The following SKP2 variants were observed in gnomAD, a reference collection of about 807,000 sequenced individuals.
SKP2 encodes S-phase kinase associated protein 2, also known as S-phase kinase-associated protein 2.
In SKP2, 16 loss-of-function variants were observed where a neutral mutation model predicts 51.8. That is an observed-to-expected ratio of 0.31 (90% CI 0.21 to 0.47). The LOEUF (loss-of-function observed/expected upper bound fraction) is 0.47. Ranked by LOEUF, SKP2 falls within the 20% of genes least tolerant of loss-of-function variation. The pLI is 1.00. For synonymous variants in SKP2, 176 were observed against 198.6 expected, an observed-to-expected ratio of 0.89 and a Z score of 0.96; for missense variants, 377 against 505.3, an observed-to-expected ratio of 0.75 and a Z score of 2.43.
At chr5:36,152,692 C>G (rs1041472204) in intron 1 of SKP2, 79 bp from the exon 2 acceptor site, 1 of 1,470,534 alleles carries the variant, frequency 6.8e-7, no homozygotes, top group East Asian at 2.3e-5. Flanking sequence ...AATGCATAAA[C>G]TGCAGCTTCT....
intron 9 of SKP2, among the ~76,000 whole-genome samples, chr5:36,179,701 A>G (rs1468721948): frequency 1.3e-5 from 2 of 152,194 alleles, no homozygotes; most frequent in Admixed American, 6.5e-5. Context: ...CAATCCTGTG[A>G]AAGAGTTCAT....
At chr5:36,176,910 T>C in intron 7 of SKP2, 55 bp from the exon 8 acceptor site, 1 of 1,165,214 alleles carries the variant, frequency 8.6e-7, no homozygotes, top group East Asian at 2.3e-5. Context: ...ATAACAAATA[T>C]CCTTGTCTTG....
In SKP2 at chr5:36,183,819, A is replaced by C. The variant is rs1371559291; in HGVS notation, c.*1788A>C. On this transcript the variant is annotated 3_prime_UTR_variant, in exon 10 of 10. Transcript: ENST00000274255. ...TAATAGTTAAAAAGTGCTAAATACTACTTGAAATTATTGTTTACAGATTAG... is the reference window on the plus strand; with the variant it reads ...TAATAGTTAAAAAGTGCTAAATACTCCTTGAAATTATTGTTTACAGATTAG... The C allele has an allele frequency of 1.3e-6, 2 of 1,571,968 alleles. No homozygotes were observed. The highest frequency in any genetic ancestry group is 1.2e-5 in the South Asian group (1 of 83,230).
intron 7 of SKP2, among the ~76,000 whole-genome samples, chr5:36,174,191 T>C (rs1053001551): frequency 2.0e-5 from 3 of 152,132 alleles, no homozygotes; most frequent in African/African-American, 7.2e-5. Flanking sequence ...GTAGCTGAAA[T>C]CATCTCTCCT....
chr5:36,166,411 T>A, intron 3 of SKP2, 108 bp from the exon 4 acceptor site: 1 of 875,414 alleles, frequency 1.1e-6, no homozygotes, highest in South Asian at 1.9e-5. Flanking sequence ...TTTTAGAATA[T>A]GCTTCAAGGA....
chr5:36,177,254 A>G lies in SKP2; in HGVS notation c.1023A>G (p.Ser341=), dbSNP rs1348906573. The G allele has an allele frequency of 1.9e-6, 3 of 1,611,498 alleles. No homozygotes were observed. The South Asian group carries it at 3.3e-5, about 18-fold the overall frequency. ...AGCTCAACTACCTCCAACACCTATC[A>G]CTCAGTCGGTGCTATGATATAATAC... is the stretch of plus-strand genomic sequence containing the variant. The part of the protein sequence containing the change: ...FFQLNYLQHL[S]LSRCYDIIPE... The change falls in exon 9 of 10, where the codon TCA becomes TCG. Residue 341 remains serine (S), a synonymous_variant. Transcript: ENST00000274255.
intron 7 of SKP2, among the ~76,000 whole-genome samples, chr5:36,176,012 C>T (rs1691163): frequency 3.3e-5 from 5 of 151,318 alleles, no homozygotes; most frequent in South Asian, 2.1e-4. Flanking sequence ...ATCCAAAAAA[C>T]GCAGGGTTCA....
intron 2 of SKP2, among the ~76,000 whole-genome samples, chr5:36,158,116 G>T (rs189605880): frequency 6.6e-6 from 1 of 152,144 alleles, no homozygotes; most frequent in African/African-American, 2.4e-5. Context: ...TTTAACTGCC[G>T]TCCATGTCAT....
At chr5:36,190,457 T>TGAG (rs1561047921) in intron 6 of SKP2, among the ~76,000 whole-genome samples, 6 of 86,006 alleles carry the variant, frequency 7.0e-5, no homozygotes, top group Non-Finnish European at 1.4e-4. Flanking sequence ...TCAATAAAAG[T>TGAG]CAGCAGCATT....
At chr5:36,173,848 G>A (rs1003236417) in intron 7 of SKP2, among the ~76,000 whole-genome samples, 5 of 152,034 alleles carry the variant, frequency 3.3e-5, no homozygotes, top group African/African-American at 9.7e-5. Context: ...TATGGATTTG[G>A]TTTTAGCTCA....
At chr5:36,159,533 C>A (rs933662151) in intron 2 of SKP2, among the ~76,000 whole-genome samples, 42 of 152,190 alleles carry the variant, frequency 2.8e-4, no homozygotes, top group African/African-American at 9.9e-4. Context: ...GATTCCATGC[C>A]TGAGGGCTTT....
intron 9 of SKP2, among the ~76,000 whole-genome samples, chr5:36,177,942 T>C (rs1745686797): frequency 1.3e-5 from 2 of 152,106 alleles, no homozygotes; most frequent in Admixed American, 1.3e-4. Context: ...TCTAATAGTT[T>C]ATACAAGGGT....
intron 7 of SKP2, among the ~76,000 whole-genome samples, chr5:36,173,808 G>A (rs1180379898): frequency 2.0e-5 from 3 of 152,012 alleles, no homozygotes; most frequent in Admixed American, 6.6e-5. Flanking sequence ...ATTAACAATA[G>A]CACACACCAT....
At chr5:36,159,936 C>A (rs1745072777) in intron 2 of SKP2, among the ~76,000 whole-genome samples, 1 of 152,168 alleles carries the variant, frequency 6.6e-6, no homozygotes, top group South Asian at 2.1e-4. Flanking sequence ...CAGAGCAGCA[C>A]TGAAAAGGTC....
intron 7 of SKP2, among the ~76,000 whole-genome samples, chr5:36,172,861 G>A (rs1430642472): frequency 6.6e-6 from 1 of 151,932 alleles, no homozygotes; most frequent in African/African-American, 2.4e-5. Flanking sequence ...TCTTTAGCAA[G>A]CTGTAAAAGC....
chr5:36,180,733 T>C (rs1745780099), intron 9 of SKP2, among the ~76,000 whole-genome samples: 1 of 152,198 alleles, frequency 6.6e-6, no homozygotes, highest in South Asian at 2.1e-4. Context: ...AATTGGTATA[T>C]AGAATAGGCT....
chr5:36,187,484 G>T (rs1382541259), downstream of SKP2, among the ~76,000 whole-genome samples: 2 of 152,078 alleles, frequency 1.3e-5, no homozygotes, highest in Non-Finnish European at 2.9e-5. Context: ...GCTTCATTTC[G>T]TTATGTACCC....
chr5:36,192,134 G>A (rs1347077419), intron 6 of SKP2, among the ~76,000 whole-genome samples: 2 of 152,190 alleles, frequency 1.3e-5, no homozygotes, highest in Non-Finnish European at 2.9e-5. Flanking sequence ...AAGCCCGTAA[G>A]ACTTAAAAAC....
rs772750684 is a variant in SKP2 at position 36,177,371 on chromosome 5, A to G, written c.1061+79A>G. 31 of 864,756 alleles carry G rather than the reference A, an allele frequency of 3.6e-5. 1 individual carries two copies. Among genetic ancestry groups the G allele is most frequent in the South Asian group, 3.1e-4 (23 of 75,250 alleles). 53.6% of individuals were successfully genotyped at this position (864,756 alleles called of 1,614,324 possible). ...CCCCTTGGTGTGAAAATCCATTTTT[A>G]TTAATAGACATATGAAACCGAAACA... is the stretch of plus-strand genomic sequence containing the variant. On this transcript the variant is annotated intron_variant, in intron 9 of 9. Transcript: ENST00000274255.
Sources: allele counts gnomAD v4.1 joint callset (sites outside exome capture counted in the v4.1 genomes callset), GRCh38; gene constraint gnomAD v4.1.1; transcripts MANE v1.5; gene names NCBI Gene and HGNC (gene_info 2026-07-23, HGNC 2026-07-21).